SDK1: variants seen among roughly 807,000 people sequenced by gnomAD.
SDK1 encodes the protein sidekick cell adhesion molecule 1.
SDK1 carries 157 observed loss-of-function variants against 245.5 expected under a neutral mutation model. The ratio of observed to expected loss-of-function variants is 0.64; its 90% CI spans 0.56 to 0.73. The LOEUF (loss-of-function observed/expected upper bound fraction) is 0.73, where lower values mean the gene tolerates loss of function less well. Among genes scored for constraint, SDK1 ranks in the 30% least tolerant of loss-of-function variants. The probability of loss-of-function intolerance (pLI) is 0.00; values close to 1 mark genes in which losing one functional copy is unlikely to be tolerated. For missense variants in SDK1, 3,583 were observed against 3,002.3 expected (o/e 1.19, Z -4.52); for synonymous variants, 1,647 against 1,278.5 (o/e 1.29, Z -6.15).
At position 3,425,633 on chromosome 7, in the gene SDK1, G is replaced by A. The variant is rs1425638023; in HGVS notation, c.298+123749G>A. On this transcript the variant is annotated intron_variant, in intron 1 of 44. Transcript: ENST00000404826. ...GAATGAACAATACAACTGTATTCAA[G>A]GTTTAGGCAGGAGAAGGAAAATGAT... 4.6e-5 allele frequency among the ~76,000 whole-genome samples: 7 copies of A among 152,228 alleles called. No homozygotes were observed. In the East Asian group the frequency reaches 1.3e-3, roughly 29 times the overall value.
intron 1 of SDK1, among the ~76,000 whole-genome samples, chr7:3,476,793 C>T (rs10264803): frequency 0.2 from 31,186 of 152,166 alleles, 4,018 homozygotes; most frequent in Middle Eastern, 0.31. Context: ...CCTAGTCATA[C>T]ACCCAGCAAG....
chr7:3,999,738 C>T (rs987278622), intron 14 of SDK1, among the ~76,000 whole-genome samples: 2 of 152,180 alleles, frequency 1.3e-5, no homozygotes, highest in African/African-American at 4.8e-5. Context: ...CATTTTCTAA[C>T]TAATAATGTA....
chr7:4,041,503 C>T (rs1788634703), intron 17 of SDK1, among the ~76,000 whole-genome samples: 1 of 152,090 alleles, frequency 6.6e-6, no homozygotes, highest in African/African-American at 2.4e-5. Flanking sequence ...TGGCACTGTG[C>T]ATTCTGTGGG....
At chr7:4,045,623 C>T (rs1040327896) in intron 17 of SDK1, among the ~76,000 whole-genome samples, 2 of 152,120 alleles carry the variant, frequency 1.3e-5, no homozygotes, top group South Asian at 2.1e-4. Context: ...TCACGTGGCT[C>T]GCGCATGTTT....
intron 1 of SDK1, among the ~76,000 whole-genome samples, chr7:3,461,259 G>C (rs1047427035): frequency 1.3e-5 from 2 of 152,048 alleles, no homozygotes; most frequent in African/African-American, 4.8e-5. Context: ...GTCCATTTTT[G>C]GAACCTTGTT....
chr7:3,477,937 C>T (rs1421184194), intron 1 of SDK1, among the ~76,000 whole-genome samples: 2 of 151,992 alleles, frequency 1.3e-5, no homozygotes, highest in African/African-American at 2.4e-5. Context: ...GTGTTTTGTC[C>T]TATGGTGTGT....
At chr7:3,481,496 A>C (rs972556200) in intron 1 of SDK1, among the ~76,000 whole-genome samples, 9 of 152,208 alleles carry the variant, frequency 5.9e-5, no homozygotes, top group African/African-American at 1.9e-4. Flanking sequence ...TTGGACTGTT[A>C]GTGAGCCTCC....
intron 5 of SDK1, among the ~76,000 whole-genome samples, chr7:3,856,125 A>G (rs1780539553): frequency 6.6e-6 from 1 of 152,188 alleles, no homozygotes; most frequent in Non-Finnish European, 1.5e-5. Context: ...AGGAATAAAG[A>G]AAATGCATAC....
At position 4,174,289 on chromosome 7, in the gene SDK1, A is replaced by G. The variant is rs761064051; in HGVS notation, c.4868A>G (p.Tyr1623Cys). ...AGGATCTACTACAGGGAGCTGGAGT[A>G]TGAAGCCGGGTCAGGCACTGAGGCC... Reference protein sequence around the residue: ...GYRIYYRELEYEAGSGTEAKT... With the variant: ...GYRIYYRELECEAGSGTEAKT... Residue 1623 changes from tyrosine to cysteine, a missense_variant, in exon 33 of 45, where the codon TAT becomes TGT. Physicochemically the swap from Tyr to Cys is radical, Grantham distance 194. Coordinates refer to ENST00000404826, the MANE Select transcript of SDK1 (RefSeq NM_152744.4). 1.9e-6 allele frequency: 3 copies of G among 1,613,944 alleles called. No homozygotes were observed. Among genetic ancestry groups the G allele is most frequent in the South Asian group, 2.2e-5 (2 of 91,084 alleles).
At chr7:4,217,355 A>C (rs1027132133) in intron 38 of SDK1, among the ~76,000 whole-genome samples, 1,065 of 22,932 alleles carry the variant, frequency 0.046, 16 homozygotes, top group Middle Eastern at 0.14. Context: ...CCACCCGGAG[A>C]ACCAGGCCAC....
intron 1 of SDK1, among the ~76,000 whole-genome samples, chr7:3,346,293 C>G (rs1780490857): frequency 6.6e-6 from 1 of 152,096 alleles, no homozygotes; most frequent in African/African-American, 2.4e-5. Flanking sequence ...GGGTGGGGAC[C>G]TTTCCCCTTC....
chr7:3,843,012 C>T (rs567488953), intron 5 of SDK1, among the ~76,000 whole-genome samples: 1 of 152,216 alleles, frequency 6.6e-6, no homozygotes, highest in Non-Finnish European at 1.5e-5. Flanking sequence ...AACTGCCTAA[C>T]GCCCGTCAGT....
chr7:4,047,410 G>C (rs1360119421), intron 17 of SDK1, among the ~76,000 whole-genome samples: 1 of 127,712 alleles, frequency 7.8e-6, no homozygotes, highest in South Asian at 2.2e-4. Context: ...TTTTGTTGAG[G>C]ATTTTTTTGA....
At chr7:4,124,527 C>T (rs1346519326) in intron 25 of SDK1, among the ~76,000 whole-genome samples, 2 of 152,178 alleles carry the variant, frequency 1.3e-5, no homozygotes, top group Non-Finnish European at 2.9e-5. Context: ...CAGGGGCCCA[C>T]CCTATGCAGT....
chr7:3,884,316 G>T (rs574115268), intron 5 of SDK1, among the ~76,000 whole-genome samples: 1 of 152,258 alleles, frequency 6.6e-6, no homozygotes, highest in African/African-American at 2.4e-5. Context: ...GGCTCAGTGA[G>T]GGCCTCTTGC....
intron 5 of SDK1, among the ~76,000 whole-genome samples, chr7:3,873,026 C>T (rs995084593): frequency 6.6e-6 from 1 of 151,978 alleles, no homozygotes; most frequent in African/African-American, 2.4e-5. Context: ...TCCTTTATTC[C>T]ATTTATGATG....
At position 3,983,141 on chromosome 7, in the gene SDK1, G is replaced by A. The variant is rs77867607; in HGVS notation, c.1995-4045G>A. ...AGCATCTACTTTTGGCAAAGATACCGTGAACATTGTTGAAATGGCAACAAG... is the reference window on the plus strand; with the variant it reads ...AGCATCTACTTTTGGCAAAGATACCATGAACATTGTTGAAATGGCAACAAG... On this transcript the variant is annotated intron_variant, in intron 13 of 44. Coordinates refer to ENST00000404826, the MANE Select transcript of SDK1 (RefSeq NM_152744.4). 6.8e-3 allele frequency among the ~76,000 whole-genome samples: 1,040 copies of A among 152,286 alleles called. 13 individuals carry two copies. Among genetic ancestry groups the A allele is most frequent in the African/African-American group, 0.024 (985 of 41,560 alleles).
At chr7:4,187,321 A>G (rs1562406382) in intron 35 of SDK1, among the ~76,000 whole-genome samples, 1 of 152,240 alleles carries the variant, frequency 6.6e-6, no homozygotes, top group Admixed American at 6.5e-5. Context: ...GCTATTAGAA[A>G]TGAAGCTACT....
At chr7:4,237,175 C>T (rs557519480) in intron 41 of SDK1, among the ~76,000 whole-genome samples, 17 of 152,218 alleles carry the variant, frequency 1.1e-4, no homozygotes, top group South Asian at 6.2e-4. Context: ...TTCAGGCACA[C>T]GCCTCTGTGC....
Sources: gnomAD v4.1 joint callset for allele counts (sites outside exome capture counted in the v4.1 genomes callset) on GRCh38, gnomAD v4.1.1 for gene constraint, MANE v1.5 for transcripts, NCBI Gene and HGNC (gene_info 2026-07-23, HGNC 2026-07-21) for gene names.